Variants in LCE1F observed in about 807,000 individuals in gnomAD.
LCE1F encodes the protein late cornified envelope 1F, also known as late cornified envelope protein 1F.
For missense variants in LCE1F, 154 were observed against 153.5 expected (o/e 1.00, Z -0.02); for synonymous variants, 67 against 59.9 (o/e 1.12, Z -0.55).
Position 152,776,544 on chromosome 1 carries a change from G to A in LCE1F, c.173G>A (p.Gly58Asp), listed in dbSNP as rs752530412. The change falls in exon 2 of 2, where the codon GGC becomes GAC. Residue 58 changes from glycine to aspartate, a missense_variant. Coordinates refer to ENST00000334371, the MANE Select transcript of LCE1F (RefSeq NM_178354.3). ...GGCTGCTGTGGCTCCAGCTCTGGGG[G>A]CTGCTGCAGCTCTGGGGGTGGTGGC... ...SGGCCGSSSG[G>D]CCSSGGGGCC... The A allele has an allele frequency of 1.2e-6, 2 of 1,606,890 alleles. No individual in the cohort carries two copies. Among genetic ancestry groups the A allele is most frequent in the South Asian group, 2.2e-5 (2 of 90,516 alleles).
At position 152,776,332 on chromosome 1, in the gene LCE1F, T is replaced by G; in HGVS notation, c.-22-18T>G. The stretch of plus-strand genomic sequence containing the variant: ...TGTCCTCTGCCTCCATCTAACTTGC[T>G]GTCTGACCCTCCTTCAGCTCCTGAA... On this transcript the variant is annotated intron_variant, in intron 1 of 1. Transcript: ENST00000334371. 1.2e-6 allele frequency: 2 copies of G among 1,603,380 alleles called. No individual in the cohort carries two copies. Among genetic ancestry groups the G allele is most frequent in the African/African-American group, 2.7e-5 (2 of 74,814 alleles).
chr1:152,775,294 C>T (rs1570846201), intron 1 of LCE1F, among the ~76,000 whole-genome samples, 104 bp downstream of exon 1: 2 of 151,646 alleles, frequency 1.3e-5, no homozygotes, highest in Middle Eastern at 6.8e-3. Flanking sequence ...AGAGTCTAGG[C>T]AGGGCCTCAG....
chr1:152,775,573 A>G (rs1402863454), intron 1 of LCE1F, among the ~76,000 whole-genome samples: 1 of 152,222 alleles, frequency 6.6e-6, no homozygotes, highest in Non-Finnish European at 1.5e-5. Flanking sequence ...TCACTTTTAG[A>G]AAAGATATGC....
Position 152,776,690 on chromosome 1 carries a change from G to A in LCE1F, c.319G>A (p.Gly107Arg), listed in dbSNP as rs372485856. 6.3e-5 allele frequency: 100 copies of A among 1,589,224 alleles called. No homozygotes were observed. Among genetic ancestry groups the A allele is most frequent in the Middle Eastern group, 1.9e-4 (1 of 5,224 alleles). Residue 107 changes from glycine to arginine, a missense_variant, in exon 2 of 2, where the codon GGA (glycine) becomes AGA (arginine). Transcript: ENST00000334371. ...GCCCTCAGCGGGCTCCAGCTGCTGC[G>A]GAGGGGGCAGTGGCCAGCACTCTGG... is the stretch of plus-strand genomic sequence containing the variant. The part of the protein sequence containing the change: ...SQPSAGSSCC[G>R]GGSGQHSGGC...
At chr1:152,775,370 G>A (rs1224925255) in intron 1 of LCE1F, among the ~76,000 whole-genome samples, 180 bp downstream of exon 1, 1 of 152,092 alleles carries the variant, frequency 6.6e-6, no homozygotes, top group Non-Finnish European at 1.5e-5. Flanking sequence ...GAGGTAGAGG[G>A]GTGGGGTGGA....
At chr1:152,776,306 G>C in intron 1 of LCE1F, 44 bp from the exon 2 acceptor site, 1 of 1,513,930 alleles carries the variant, frequency 6.6e-7, no homozygotes, top group Non-Finnish European at 9.1e-7. Flanking sequence ...ATAGGCAGGG[G>C]TGTCCTCTGC....
At chr1:152,775,776 C>T (rs767751111) in intron 1 of LCE1F, among the ~76,000 whole-genome samples, 4 of 152,082 alleles carry the variant, frequency 2.6e-5, no homozygotes, top group Admixed American at 6.5e-5. Flanking sequence ...CAGGGGACCC[C>T]GGAACAAATG....
At position 152,776,371 on chromosome 1, in the gene LCE1F, G is replaced by A. The variant is rs376202697; in HGVS notation, c.-1G>A. 8.1e-6 allele frequency: 13 copies of A among 1,613,974 alleles called. No homozygotes were observed. The highest frequency in any genetic ancestry group is 1.0e-5 in the Non-Finnish European group (12 of 1,179,928). On this transcript the variant is annotated 5_prime_UTR_variant, in exon 2 of 2. Coordinates refer to ENST00000334371, the MANE Select transcript of LCE1F (RefSeq NM_178354.3). The stretch of plus-strand genomic sequence containing the variant: ...TCAGCTCCTGAACACCCGCCACCGA[G>A]ATGTCTTGCCAGCAGAGCCAGCAGC...
In LCE1F at chr1:152,776,642, C is replaced by T. The variant is rs1651616900; in HGVS notation, c.271C>T (p.Gln91Ter). The stretch of plus-strand genomic sequence containing the variant: ...GCGTAGGTCCCACCGCCACAGACCC[C>T]AGAGCTCTGACTGCTGCAGCCAGCC... ...RRRRSHRHRP[Q>*]SSDCCSQPSA... The change falls in exon 2 of 2, where the codon CAG becomes TAG. Residue 91 changes from glutamine (Q) to a stop codon, truncating the protein, a stop_gained. Coordinates refer to ENST00000334371, the MANE Select transcript of LCE1F (RefSeq NM_178354.3). LOFTEE classifies it high-confidence loss of function. 1 of 1,611,578 alleles carries T rather than the reference C, an allele frequency of 6.2e-7. No homozygotes were observed. The highest frequency in any genetic ancestry group is 8.5e-7 in the Non-Finnish European group (1 of 1,179,100).
intron 1 of LCE1F, among the ~76,000 whole-genome samples, chr1:152,775,982 T>C (rs1651581460): frequency 6.6e-6 from 1 of 152,062 alleles, no homozygotes; most frequent in Non-Finnish European, 1.5e-5. Flanking sequence ...GAGATTTTCA[T>C]CTCTAAACTG....
rs972038143 is a variant in LCE1F, at chr1:152,775,169, C to T, written c.-44C>T. On this transcript the variant is annotated 5_prime_UTR_variant, in exon 1 of 2. Coordinates refer to ENST00000334371, the MANE Select transcript of LCE1F (RefSeq NM_178354.3). Reference sequence around the variant, plus strand: ...ACTCACCTCCTGCGGTGCTGAAGAACCCTGTGCTGCCTGTGATCCTGGTAA... The same window carrying T: ...ACTCACCTCCTGCGGTGCTGAAGAATCCTGTGCTGCCTGTGATCCTGGTAA... Among the ~76,000 whole-genome samples the T allele has an allele frequency of 2.0e-5, 3 of 152,210 alleles. No homozygotes were observed. The highest frequency in any genetic ancestry group is 4.4e-5 in the Non-Finnish European group (3 of 68,040).
At chr1:152,775,352 G>A (rs1489523006) in intron 1 of LCE1F, among the ~76,000 whole-genome samples, 162 bp downstream of exon 1, 4 of 152,138 alleles carry the variant, frequency 2.6e-5, no homozygotes, top group Non-Finnish European at 5.9e-5. Context: ...GCAGAAAATT[G>A]GAAAGAGGAG....
intron 1 of LCE1F, among the ~76,000 whole-genome samples, chr1:152,775,959 A>ATTTTTTTTTTTTTTTTTTT (rs1557832103): frequency 1.1e-4 from 17 of 150,874 alleles, no homozygotes; most frequent in Middle Eastern, 3.4e-3. Context: ...ATTTATTTTG[A>ATTTTTTTTTTTTTTTTTTT]TTTTTCCTTA....
Position 152,776,634 on chromosome 1 carries a change from A to G in LCE1F, c.263A>G (p.His88Arg). ...SHHRRRRSHRHRPQSSDCCSQ... is the reference protein window; with the variant it reads ...SHHRRRRSHRRRPQSSDCCSQ... ...CACAGACGGCGTAGGTCCCACCGCC[A>G]CAGACCCCAGAGCTCTGACTGCTGC... The change falls in exon 2 of 2, where the codon CAC becomes CGC. Residue 88 changes from histidine to arginine, a missense_variant. Transcript: ENST00000334371. 1 of 1,612,220 alleles carries G rather than the reference A, an allele frequency of 6.2e-7. No homozygotes were observed. Among genetic ancestry groups the G allele is most frequent in the Non-Finnish European group, 8.5e-7 (1 of 1,179,566 alleles).
rs377504218 is a variant in LCE1F, at chr1:152,776,691, G to C, written c.320G>C (p.Gly107Ala). ...CCCTCAGCGGGCTCCAGCTGCTGCG[G>C]AGGGGGCAGTGGCCAGCACTCTGGA... Reference protein sequence around the residue: ...SQPSAGSSCCGGGSGQHSGGC... With the variant: ...SQPSAGSSCCAGGSGQHSGGC... Residue 107 changes from glycine (G) to alanine (A), a missense_variant, in exon 2 of 2, where the codon GGA (glycine) becomes GCA (alanine). Transcript: ENST00000334371. 6.3e-7 allele frequency: 1 copy of C among 1,589,384 alleles called. No homozygotes were observed. The highest frequency in any genetic ancestry group is 1.3e-5 in the African/African-American group (1 of 74,460).
rs28594869 is a variant in LCE1F, at chr1:152,776,972, C to T, written c.*244C>T. Among the ~76,000 whole-genome samples, 4,045 of 152,302 alleles carry T rather than the reference C, an allele frequency of 0.027. 185 individuals are homozygous for T. The highest frequency in any genetic ancestry group is 0.092 in the African/African-American group (3,818 of 41,538). On this transcript the variant is annotated 3_prime_UTR_variant, in exon 2 of 2. Coordinates refer to ENST00000334371, the MANE Select transcript of LCE1F (RefSeq NM_178354.3). ...AGTCCTTGCCTCATTCCCCTGATTT[C>T]CTTGGCAATCTCCATTGTGCATGAA...
intron 1 of LCE1F, among the ~76,000 whole-genome samples, chr1:152,775,796 A>G (rs1651573585): frequency 2.0e-5 from 3 of 152,230 alleles, no homozygotes; most frequent in Admixed American, 2.0e-4. Context: ...GTGACTGTTA[A>G]TGAATAACTT....
At chr1:152,775,706 T>C (rs1378144671) in intron 1 of LCE1F, among the ~76,000 whole-genome samples, 2 of 152,162 alleles carry the variant, frequency 1.3e-5, no homozygotes, top group African/African-American at 4.8e-5. Context: ...CATGTGACAG[T>C]GCCTGGGGAC....
chr1:152,776,662 C>T lies in LCE1F; in HGVS notation c.291C>T (p.Ser97=), dbSNP rs2101573195. The change falls in exon 2 of 2, where the codon AGC becomes AGT. Residue 97 remains serine (S), a synonymous_variant. Transcript: ENST00000334371. ...GACCCCAGAGCTCTGACTGCTGCAGCCAGCCCTCAGCGGGCTCCAGCTGCT... is the reference window on the plus strand; with the variant it reads ...GACCCCAGAGCTCTGACTGCTGCAGTCAGCCCTCAGCGGGCTCCAGCTGCT... ...RHRPQSSDCC[S]QPSAGSSCCG... The T allele has an allele frequency of 3.1e-6, 5 of 1,605,858 alleles. No homozygotes were observed. The highest frequency in any genetic ancestry group is 4.3e-6 in the Non-Finnish European group (5 of 1,175,504).
Sources: gnomAD v4.1 joint callset for allele counts (sites outside exome capture counted in the v4.1 genomes callset) on GRCh38, gnomAD v4.1.1 for gene constraint, MANE v1.5 for transcripts, NCBI Gene and HGNC (gene_info 2026-07-23, HGNC 2026-07-21) for gene names.